Variants in TRABD2A observed in about 807,000 individuals in gnomAD.
TRABD2A encodes metalloprotease TIKI1.
TRABD2A carries 43 observed loss-of-function variants against 45.6 expected under a neutral mutation model. The ratio of observed to expected loss-of-function variants is 0.94; its 90% CI spans 0.74 to 1.22. The LOEUF (loss-of-function observed/expected upper bound fraction) is 1.22, where lower values mean the gene tolerates loss of function less well. Among genes scored for constraint, TRABD2A ranks in the 50% most tolerant of loss-of-function variants. The probability of loss-of-function intolerance (pLI) is 0.00; values close to 1 mark genes in which losing one functional copy is unlikely to be tolerated. For synonymous variants in TRABD2A, 269 were observed against 265.0 expected (o/e 1.02, Z -0.15); for missense variants, 642 against 652.4 (o/e 0.98, Z 0.17).
chr2:84,881,062 C>T lies in TRABD2A; in HGVS notation c.-23G>A, dbSNP rs1388732246. 12 of 1,569,870 alleles carry T rather than the reference C, an allele frequency of 7.6e-6. No individual in the cohort carries two copies. The highest frequency in any genetic ancestry group is 1.0e-5 in the Non-Finnish European group (12 of 1,159,544). ...CATCCTCCTCAAGGCGGCTCCGAGG[C>T]CCGGAACGCGGAGGGAAGGAGTAGG... On this transcript the variant is annotated 5_prime_UTR_variant, in exon 1 of 7. Coordinates refer to ENST00000409520, the MANE Select transcript of TRABD2A (RefSeq NM_001277053.2).
At chr2:84,871,274 C>G (rs1299818093) in intron 1 of TRABD2A, among the ~76,000 whole-genome samples, 1 of 152,140 alleles carries the variant, frequency 6.6e-6, no homozygotes, top group Non-Finnish European at 1.5e-5. Flanking sequence ...TACCTGATAC[C>G]ATCTAAGAGA....
In TRABD2A at chr2:84,822,015, G is replaced by C. The variant is rs892519800; in HGVS notation, c.1420C>G (p.His474Asp). 3.8e-6 allele frequency: 6 copies of C among 1,597,430 alleles called. No individual in the cohort carries two copies. Among genetic ancestry groups the C allele is most frequent in the African/African-American group, 1.3e-5 (1 of 74,660 alleles). The change falls in exon 7 of 7, where the codon CAC (histidine) becomes GAC (aspartate). Residue 474 changes from histidine (H) to aspartate (D), a missense_variant. By Grantham distance (81) the His-to-Asp change is moderately conservative (BLOSUM62 -1). Transcript: ENST00000409520. Reference sequence around the variant, plus strand: ...GCACTGCTGGCCACCATCTGGCTGTGGTGGGAATGCCCACGGCGAGGGAGC... The same window carrying C: ...GCACTGCTGGCCACCATCTGGCTGTCGTGGGAATGCCCACGGCGAGGGAGC... ...LRLPRRGHSH[H>D]SQMVASSACL...
intron 4 of TRABD2A, chr2:84,837,543 G>A (rs1186111317): frequency 6.6e-6 from 1 of 152,220 alleles, no homozygotes; most frequent in Non-Finnish European, 1.5e-5. Flanking sequence ...TGCTGTTTGT[G>A]TAGTGATTTT....
Position 84,841,885 on chromosome 2 carries a change from G to A in TRABD2A, c.792C>T (p.Val264=). 1 of 1,543,386 alleles carries A rather than the reference G, an allele frequency of 6.5e-7. No homozygotes were observed. The highest frequency in any genetic ancestry group is 8.7e-7 in the Non-Finnish European group (1 of 1,144,398). The part of the protein sequence containing the change: ...KHYNCGDLSS[V]ILSHDSSQVP... ...CCTGGGAGCTGTCATGGCTGAGGAT[G>A]ACGGAGCTGAGGTCCCCGCAGTTAT... Residue 264 remains valine (V), a synonymous_variant, in exon 3 of 7, where the codon GTC becomes GTT. Coordinates refer to ENST00000409520, the MANE Select transcript of TRABD2A (RefSeq NM_001277053.2).
At chr2:84,842,414 C>T (rs145999864) in intron 2 of TRABD2A, among the ~76,000 whole-genome samples, 3 of 152,298 alleles carry the variant, frequency 2.0e-5, no homozygotes, top group East Asian at 1.9e-4. Flanking sequence ...AGTGCATTAT[C>T]CACATCTTTT....
At chr2:84,841,816 A>G (rs1681719137) in intron 3 of TRABD2A, 45 bp downstream of exon 3, 2 of 1,449,566 alleles carry the variant, frequency 1.4e-6, no homozygotes, top group East Asian at 2.5e-5. Flanking sequence ...TTTTATTCCT[A>G]TAATTAAATG....
intron 2 of TRABD2A, among the ~76,000 whole-genome samples, chr2:84,865,686 G>A (rs1045867701): frequency 2.6e-5 from 4 of 152,208 alleles, no homozygotes; most frequent in African/African-American, 9.7e-5. Context: ...TCACTTGGTG[G>A]GGAAGTGGAC....
intron 2 of TRABD2A, among the ~76,000 whole-genome samples, chr2:84,856,872 C>G (rs1682327814): frequency 6.6e-6 from 1 of 152,210 alleles, no homozygotes; most frequent in Non-Finnish European, 1.5e-5. Flanking sequence ...AAGTTCTAAC[C>G]TCCCATGTCA....
At chr2:84,838,642 G>T (rs1357642267) in intron 4 of TRABD2A, among the ~76,000 whole-genome samples, 1 of 152,148 alleles carries the variant, frequency 6.6e-6, no homozygotes, top group Non-Finnish European at 1.5e-5. Flanking sequence ...AAAGAATTCT[G>T]TGTCAGAGTC....
At chr2:84,871,107 T>G (rs775508449) in intron 1 of TRABD2A, among the ~76,000 whole-genome samples, 1 of 152,194 alleles carries the variant, frequency 6.6e-6, no homozygotes, top group African/African-American at 2.4e-5. Flanking sequence ...GACTCAGCTT[T>G]TCAATCAAAA....
At chr2:84,861,863 T>A (rs924337101) in intron 2 of TRABD2A, among the ~76,000 whole-genome samples, 5 of 152,298 alleles carry the variant, frequency 3.3e-5, no homozygotes, top group Admixed American at 3.3e-4. Context: ...GCTAATGAGG[T>A]CTCTCCTGTT....
At chr2:84,855,074 G>A (rs756140005) in intron 2 of TRABD2A, among the ~76,000 whole-genome samples, 2 of 151,998 alleles carry the variant, frequency 1.3e-5, no homozygotes, top group Non-Finnish European at 2.9e-5. Context: ...GTGGACACCT[G>A]ACTCGATGAT....
chr2:84,879,698 C>T, intron 1 of TRABD2A: 1 of 712,452 alleles, frequency 1.4e-6, no homozygotes. Flanking sequence ...GAAGCGGCCA[C>T]ACCGCAACAG....
At chr2:84,850,430 C>T (rs1325963064) in intron 2 of TRABD2A, among the ~76,000 whole-genome samples, 1 of 152,028 alleles carries the variant, frequency 6.6e-6, no homozygotes, top group Non-Finnish European at 1.5e-5. Flanking sequence ...TGGTGGTGGT[C>T]CTACCCTGAC....
At chr2:84,859,229 G>C (rs1430591506) in intron 2 of TRABD2A, among the ~76,000 whole-genome samples, 2 of 152,252 alleles carry the variant, frequency 1.3e-5, no homozygotes, top group Non-Finnish European at 2.9e-5. Context: ...TCAGGGTAAA[G>C]ATGGAAACAG....
chr2:84,844,303 T>C (rs1416403063), intron 2 of TRABD2A, among the ~76,000 whole-genome samples: 3 of 152,142 alleles, frequency 2.0e-5, no homozygotes, highest in African/African-American at 4.8e-5. Flanking sequence ...CTCGTGATAG[T>C]GAATAAGTCT....
In TRABD2A at chr2:84,877,617, A is replaced by G. The variant is rs1278860217; in HGVS notation, c.108+3315T>C. Among the ~76,000 whole-genome samples the G allele has an allele frequency of 2.0e-5, 3 of 152,168 alleles. No individual in the cohort carries two copies. The East Asian group carries it at 5.8e-4, about 29-fold the overall frequency. On this transcript the variant is annotated intron_variant, in intron 1 of 6. Coordinates refer to ENST00000409520, the MANE Select transcript of TRABD2A (RefSeq NM_001277053.2). ...AGGACTGTGTCTCAAAAAAGAAAAAAGAGAGAGAGAAAACATGGCCATGGG... is the reference window on the plus strand; with the variant it reads ...AGGACTGTGTCTCAAAAAAGAAAAAGGAGAGAGAGAAAACATGGCCATGGG...
chr2:84,836,236 A>G (rs1448229063), intron 4 of TRABD2A: 1 of 152,238 alleles, frequency 6.6e-6, no homozygotes, highest in Non-Finnish European at 1.5e-5. Flanking sequence ...ACATTTAAAG[A>G]ATACTTCATC....
chr2:84,861,711 A>T (rs1340727483), intron 2 of TRABD2A, among the ~76,000 whole-genome samples: 4 of 152,228 alleles, frequency 2.6e-5, no homozygotes, highest in Non-Finnish European at 5.9e-5. Context: ...AGAGCATCCC[A>T]GAGCTGTCCT....
Sources: gnomAD v4.1 joint callset for allele counts (sites outside exome capture counted in the v4.1 genomes callset) on GRCh38, gnomAD v4.1.1 for gene constraint, MANE v1.5 for transcripts, NCBI Gene and HGNC (gene_info 2026-07-23, HGNC 2026-07-21) for gene names.